Variants in AGBL4 observed in about 807,000 individuals in gnomAD.
AGBL4 encodes AGBL carboxypeptidase 4.
A neutral mutation model predicts 66.4 loss-of-function variants in AGBL4; 58 were observed. The ratio of observed to expected loss-of-function variants is 0.87; its 90% CI spans 0.71 to 1.09. The LOEUF is 1.09. Among genes scored for constraint, AGBL4 ranks in the 50% least tolerant of loss-of-function variants. AGBL4 has a pLI of 0.00. For missense variants in AGBL4, 579 were observed against 631.0 expected (o/e 0.92, Z 0.88); for synonymous variants, 234 against 222.9 (o/e 1.05, Z -0.44).
intron 4 of AGBL4, among the ~76,000 whole-genome samples, chr1:49,060,647 T>A (rs1644386493): frequency 6.6e-6 from 1 of 152,138 alleles, no homozygotes; most frequent in African/African-American, 2.4e-5. Flanking sequence ...TTACAGATTG[T>A]CCACCTGCAC....
At chr1:49,690,083 C>T (rs1646858049) in intron 3 of AGBL4, among the ~76,000 whole-genome samples, 1 of 152,166 alleles carries the variant, frequency 6.6e-6, no homozygotes, top group African/African-American at 2.4e-5. Context: ...AGACCCTTCA[C>T]CAGCCAAAAA....
intron 5 of AGBL4, among the ~76,000 whole-genome samples, chr1:48,917,153 T>A (rs1653655786): frequency 6.6e-6 from 1 of 152,076 alleles, no homozygotes; most frequent in Non-Finnish European, 1.5e-5. Context: ...CCCAGTATAA[T>A]CCAGGACCTG....
At chr1:49,522,202 T>C (rs1650319352) in intron 3 of AGBL4, among the ~76,000 whole-genome samples, 1 of 152,146 alleles carries the variant, frequency 6.6e-6, no homozygotes, top group Admixed American at 6.5e-5. Context: ...TAATTTTCTC[T>C]TTATCATAGA....
intron 6 of AGBL4, among the ~76,000 whole-genome samples, chr1:48,740,499 A>T (rs1649749623): frequency 6.6e-6 from 1 of 152,230 alleles, no homozygotes; most frequent in African/African-American, 2.4e-5. Flanking sequence ...AAAGAAACAC[A>T]ATGCACTTTA....
Position 49,011,104 on chromosome 1 carries a change from T to C in AGBL4, c.594+34480A>G, listed in dbSNP as rs1290584203. Among the ~76,000 whole-genome samples, 4 of 150,642 alleles carry C rather than the reference T, an allele frequency of 2.7e-5. No homozygotes were observed. In the South Asian group the frequency reaches 6.3e-4, roughly 24 times the overall value. On this transcript the variant is annotated intron_variant, in intron 5 of 13. Coordinates refer to ENST00000371839, the MANE Select transcript of AGBL4 (RefSeq NM_032785.4). ...CAGAGTGAACAGGCAACCTACAAAA[T>C]GGGAGAAAATTTTTGCAACCTACTC...
At chr1:49,268,929 G>A (rs558985889) in intron 3 of AGBL4, 1 of 152,306 alleles carries the variant, frequency 6.6e-6, no homozygotes, top group East Asian at 1.9e-4. Context: ...CCCATCAAAA[G>A]GTGACACCTT....
intron 2 of AGBL4, among the ~76,000 whole-genome samples, chr1:49,703,199 C>CAA (rs1056242415): frequency 2.3e-5 from 3 of 132,752 alleles, no homozygotes; most frequent in Non-Finnish European, 3.3e-5. Context: ...ATCCACATAC[C>CAA]AAAAAAAAAA....
At chr1:48,671,323 G>T (rs1646273263) in intron 6 of AGBL4, among the ~76,000 whole-genome samples, 2 of 152,238 alleles carry the variant, frequency 1.3e-5, no homozygotes, top group African/African-American at 4.8e-5. Context: ...CTGACCACAT[G>T]CCAAACTTTG....
At chr1:48,706,458 C>T (rs1646881621) in intron 6 of AGBL4, among the ~76,000 whole-genome samples, 1 of 151,912 alleles carries the variant, frequency 6.6e-6, no homozygotes, top group South Asian at 2.1e-4. Flanking sequence ...CAGCTAACTG[C>T]CACATGGAAA....
chr1:49,916,207 G>A (rs756955817), intron 1 of AGBL4, among the ~76,000 whole-genome samples: 7 of 152,130 alleles, frequency 4.6e-5, no homozygotes, highest in Non-Finnish European at 7.4e-5. Flanking sequence ...ACAGCTCCTC[G>A]CCAGCAACGG....
intron 3 of AGBL4, among the ~76,000 whole-genome samples, chr1:49,400,104 T>C (rs1645052836): frequency 6.6e-6 from 1 of 152,160 alleles, no homozygotes; most frequent in African/African-American, 2.4e-5. Context: ...CATATGAATA[T>C]CCACTTTCCC....
chr1:49,159,930 T>C (rs918005754), intron 4 of AGBL4, among the ~76,000 whole-genome samples: 1 of 152,196 alleles, frequency 6.6e-6, no homozygotes, highest in East Asian at 1.9e-4. Context: ...TTTATGTTCT[T>C]CTCTAAACTG....
intron 2 of AGBL4, among the ~76,000 whole-genome samples, chr1:49,733,705 A>G (rs1451388239): frequency 6.6e-6 from 1 of 152,182 alleles, no homozygotes; most frequent in East Asian, 1.9e-4. Context: ...CTTCATTAAT[A>G]GATTAATGCC....
At position 48,841,408 on chromosome 1, in the gene AGBL4, C is replaced by G. The variant is rs940729024; in HGVS notation, c.634+25783G>C. Among the ~76,000 whole-genome samples, 14 of 136,176 alleles carry G rather than the reference C, an allele frequency of 1.0e-4. No individual in the cohort carries two copies. In the South Asian group the frequency reaches 1.4e-3, roughly 13 times the overall value. 89.3% of individuals were successfully genotyped at this position (136,176 alleles called of 152,430 possible). On this transcript the variant is annotated intron_variant, in intron 6 of 13. Transcript: ENST00000371839. Reference sequence around the variant, plus strand: ...CTATCTCTTACTACAAAACCCCCCCCCCCCAAAAAAAAAGAAGAGAGAGAA... The same window carrying G: ...CTATCTCTTACTACAAAACCCCCCCGCCCCAAAAAAAAAGAAGAGAGAGAA...
intron 5 of AGBL4, among the ~76,000 whole-genome samples, chr1:49,013,111 G>A (rs1010887548): frequency 6.6e-6 from 1 of 152,112 alleles, no homozygotes; most frequent in South Asian, 2.1e-4. Context: ...TGTAAGAAAT[G>A]AATTTATTCC....
chr1:49,756,667 G>C (rs1282907873), intron 2 of AGBL4, among the ~76,000 whole-genome samples: 1 of 152,162 alleles, frequency 6.6e-6, no homozygotes, highest in African/African-American at 2.4e-5. Flanking sequence ...TTACCCCCAT[G>C]CTGCTGTTCT....
chr1:49,226,954 A>G (rs1649959503), intron 4 of AGBL4, among the ~76,000 whole-genome samples: 1 of 152,184 alleles, frequency 6.6e-6, no homozygotes, highest in African/African-American at 2.4e-5. Flanking sequence ...TTCCCTGCTT[A>G]TAGCTGTGTC....
At chr1:49,129,569 T>G (rs922407722) in intron 4 of AGBL4, among the ~76,000 whole-genome samples, 1 of 151,304 alleles carries the variant, frequency 6.6e-6, no homozygotes, top group Non-Finnish European at 1.5e-5. Flanking sequence ...CGGTGTTTGG[T>G]TTTTTGTCCT....
chr1:48,674,812 T>C (rs969496600), intron 6 of AGBL4, among the ~76,000 whole-genome samples: 3 of 152,118 alleles, frequency 2.0e-5, no homozygotes, highest in African/African-American at 7.2e-5. Context: ...TTTCTTGAGC[T>C]CCCAGTCACT....
Sources: gnomAD v4.1 joint callset for allele counts (sites outside exome capture counted in the v4.1 genomes callset) on GRCh38, gnomAD v4.1.1 for gene constraint, MANE v1.5 for transcripts, NCBI Gene and HGNC (gene_info 2026-07-23, HGNC 2026-07-21) for gene names.